Variants in CDH12 observed in about 807,000 individuals in gnomAD.
The protein encoded by CDH12 is cadherin-12.
A neutral mutation model predicts 74.1 loss-of-function variants in CDH12; 41 were observed. The ratio of observed to expected loss-of-function variants is 0.55; its 90% confidence interval spans 0.43 to 0.72. The LOEUF (loss-of-function observed/expected upper bound fraction) is 0.72, where lower values mean the gene tolerates loss of function less well. Among genes scored for constraint, CDH12 ranks in the 30% least tolerant of loss-of-function variants. The pLI is 0.00. For synonymous variants in CDH12, 399 were observed against 355.0 expected (o/e 1.12, Z -1.39); for missense variants, 945 against 977.2 (o/e 0.97, Z 0.44).
At chr5:22,029,327 C>G (rs1206047468) in intron 5 of CDH12, among the ~76,000 whole-genome samples, 1 of 152,090 alleles carries the variant, frequency 6.6e-6, no homozygotes, top group Non-Finnish European at 1.5e-5. Flanking sequence ...GAACAGGCAA[C>G]CCACAAAATG....
intron 10 of CDH12, among the ~76,000 whole-genome samples, chr5:21,786,530 T>C (rs1333454718): frequency 6.6e-6 from 1 of 152,120 alleles, no homozygotes; most frequent in Non-Finnish European, 1.5e-5. Context: ...TATTACTGCT[T>C]ATTGACAATT....
At chr5:21,788,576 T>A (rs1234476367) in intron 10 of CDH12, among the ~76,000 whole-genome samples, 1 of 152,160 alleles carries the variant, frequency 6.6e-6, no homozygotes, top group Non-Finnish European at 1.5e-5. Context: ...CTGAGAGGAA[T>A]CACTGGTTTT....
chr5:22,635,223 T>C (rs539530022), intron 1 of CDH12, among the ~76,000 whole-genome samples: 1 of 152,280 alleles, frequency 6.6e-6, no homozygotes, highest in African/African-American at 2.4e-5. Context: ...TTGACAAGAT[T>C]GCCAAGAAAA....
At chr5:22,225,778 G>C (rs1013196560) in intron 3 of CDH12, among the ~76,000 whole-genome samples, 1 of 151,994 alleles carries the variant, frequency 6.6e-6, no homozygotes, top group African/African-American at 2.4e-5. Context: ...TTTTCTCTGG[G>C]CAATCCCAGT....
chr5:22,707,632 T>A (rs924787895), intron 1 of CDH12, among the ~76,000 whole-genome samples: 2 of 152,154 alleles, frequency 1.3e-5, no homozygotes, highest in African/African-American at 4.8e-5. Context: ...GAAATACATA[T>A]TTTTAATATT....
chr5:21,750,927 A>T lies in CDH12; in HGVS notation c.*810T>A, dbSNP rs1403845802. The stretch of plus-strand genomic sequence containing the variant: ...AATTTGAGCCCTGAGGCCTCTCTTT[A>T]TAAAGAGGAATATTTTTTCTTTTTT... On this transcript the variant is annotated 3_prime_UTR_variant, in exon 15 of 15. Transcript: ENST00000382254. 7.0e-6 allele frequency: 1 copy of T among 143,446 alleles called. No homozygotes were observed. The highest frequency in any genetic ancestry group is 1.5e-5 in the Non-Finnish European group (1 of 66,184). The allele number at this position is 143,446 out of a possible 1,614,324, so 8.9% of individuals were successfully genotyped here. A position where few individuals can be genotyped will look rare whatever the true frequency, so the allele number is the denominator to read the frequency against.
At chr5:22,736,623 T>C (rs1744743777) in intron 1 of CDH12, among the ~76,000 whole-genome samples, 1 of 151,782 alleles carries the variant, frequency 6.6e-6, no homozygotes, top group South Asian at 2.1e-4. Flanking sequence ...GCTATGAATA[T>C]TTTTCCTTGT....
chr5:22,457,746 T>A (rs1745341021), intron 2 of CDH12, among the ~76,000 whole-genome samples: 1 of 141,188 alleles, frequency 7.1e-6, no homozygotes. Flanking sequence ...GCCCAACTAA[T>A]TTTTTTATTT....
intron 3 of CDH12, among the ~76,000 whole-genome samples, chr5:22,305,684 G>T (rs895853599): frequency 6.6e-6 from 1 of 152,036 alleles, no homozygotes; most frequent in East Asian, 1.9e-4. Flanking sequence ...TGTGAGTTCC[G>T]CTGGCCTCAC....
At chr5:21,937,660 A>G (rs1238500947) in intron 6 of CDH12, among the ~76,000 whole-genome samples, 6 of 152,176 alleles carry the variant, frequency 3.9e-5, no homozygotes, top group Non-Finnish European at 8.8e-5. Context: ...CCCAGACTCA[A>G]TCCTATATGT....
chr5:22,363,047 A>T (rs1036202556), intron 3 of CDH12, among the ~76,000 whole-genome samples: 2 of 151,960 alleles, frequency 1.3e-5, no homozygotes, highest in Admixed American at 1.3e-4. Flanking sequence ...AAACCTGCGC[A>T]TTGTGCACAT....
Position 22,849,271 on chromosome 5 carries a change from T to C in CDH12, c.-523+3787A>G, listed in dbSNP as rs1287316607. ...CCCAAATTGCTCATGTAATAATCCT[T>C]AAACTATGGTTTCAAACAATTGTCT... On this transcript the variant is annotated intron_variant, in intron 1 of 14. Transcript: ENST00000382254. 2.6e-5 allele frequency among the ~76,000 whole-genome samples: 4 copies of C among 152,178 alleles called. No individual in the cohort carries two copies. The South Asian group carries it at 8.3e-4, about 31-fold the overall frequency.
chr5:22,645,434 T>C (rs1217923461), intron 1 of CDH12, among the ~76,000 whole-genome samples: 1 of 152,062 alleles, frequency 6.6e-6, no homozygotes, highest in Admixed American at 6.6e-5. Context: ...AATCTGCTGA[T>C]AAAACTTGAA....
rs1417344666 is a variant in CDH12 at position 22,099,740 on chromosome 5, T to C, written c.-186-20878A>G. On this transcript the variant is annotated intron_variant, in intron 4 of 14. Coordinates refer to ENST00000382254, the MANE Select transcript of CDH12 (RefSeq NM_004061.5). ...TGCCACTCTTAACTCTTGAAGTAAATAAATAATCTTTGCTGGCAGAACTAT... is the reference window on the plus strand; with the variant it reads ...TGCCACTCTTAACTCTTGAAGTAAACAAATAATCTTTGCTGGCAGAACTAT... Among the ~76,000 whole-genome samples, 3 of 152,324 alleles carry C rather than the reference T, an allele frequency of 2.0e-5. No individual in the cohort carries two copies. The East Asian group carries it at 5.8e-4, about 29-fold the overall frequency.
At chr5:22,826,473 G>C (rs1445968845) in intron 1 of CDH12, among the ~76,000 whole-genome samples, 1 of 152,180 alleles carries the variant, frequency 6.6e-6, no homozygotes, top group East Asian at 1.9e-4. Flanking sequence ...CAAAAATGTG[G>C]AAGCGACTTT....
At chr5:21,976,549 T>G (rs1010031440) in intron 5 of CDH12, among the ~76,000 whole-genome samples, 1 of 150,628 alleles carries the variant, frequency 6.6e-6, no homozygotes, top group Non-Finnish European at 1.5e-5. Context: ...TATATACATA[T>G]ATACATAACA....
At chr5:21,942,369 C>G (rs1223438865) in intron 6 of CDH12, among the ~76,000 whole-genome samples, 3 of 140,382 alleles carry the variant, frequency 2.1e-5, no homozygotes, top group Non-Finnish European at 4.5e-5. Flanking sequence ...CACACACACA[C>G]ACACACACAC....
intron 1 of CDH12, among the ~76,000 whole-genome samples, chr5:22,737,400 A>G (rs922687102): frequency 6.6e-6 from 1 of 152,004 alleles, no homozygotes; most frequent in African/African-American, 2.4e-5. Context: ...TCAAAATAAT[A>G]TATTTAGTTT....
At chr5:22,629,618 A>C (rs76513991) in intron 1 of CDH12, among the ~76,000 whole-genome samples, 1 of 152,166 alleles carries the variant, frequency 6.6e-6, no homozygotes, top group Admixed American at 6.6e-5. Context: ...CTTTACAATA[A>C]TTAGATTCAT....
Sources: gnomAD v4.1 joint callset for allele counts (sites outside exome capture counted in the v4.1 genomes callset) on GRCh38, gnomAD v4.1.1 for gene constraint, MANE v1.5 for transcripts, NCBI Gene and HGNC (gene_info 2026-07-23, HGNC 2026-07-21) for gene names.